The following USP33 variants were observed in gnomAD, a reference collection of about 807,000 sequenced individuals.
USP33 encodes the protein ubiquitin carboxyl-terminal hydrolase 33.
In USP33, 46 loss-of-function variants were observed where a neutral mutation model predicts 124.2. That is an observed-to-expected ratio of 0.37 (90% CI 0.29 to 0.47). USP33 has a LOEUF of 0.47. Among genes scored for constraint, USP33 ranks in the 20% least tolerant of loss-of-function variants. USP33 has a pLI of 0.99. For synonymous variants in USP33, 350 were observed against 352.3 expected (o/e 0.99, Z 0.07); for missense variants, 851 against 1,070.6 (o/e 0.79, Z 2.86).
At chr1:77,720,606 G>C in intron 15 of USP33, 1 of 985,356 alleles carries the variant, frequency 1.0e-6, no homozygotes, top group Non-Finnish European at 1.2e-6. Context: ...AGATTGAGAA[G>C]AAATTTCCAG....
chr1:77,723,505 C>A, intron 11 of USP33, 62 bp from the exon 12 acceptor site: 2 of 1,082,260 alleles, frequency 1.8e-6, no homozygotes, highest in South Asian at 1.5e-5. Flanking sequence ...TCTCTGGAAT[C>A]TTTTTTTGTC....
At chr1:77,725,340 T>C (rs1258661226) in intron 11 of USP33, among the ~76,000 whole-genome samples, 1 of 152,232 alleles carries the variant, frequency 6.6e-6, no homozygotes, top group Non-Finnish European at 1.5e-5. Flanking sequence ...GTGTTAGAGC[T>C]GTTCTGTATT....
Position 77,739,274 on chromosome 1 carries a change from G to A in USP33, c.342C>T (p.Asn114=). ...HVRQPHQIQE[N]SVQDFKIPSN... ...GGATCTAGATTATTACCTGGACACTGTTTTCTTGTATTTGGTGAGGTTGTC... is the reference window on the plus strand; with the variant it reads ...GGATCTAGATTATTACCTGGACACTATTTTCTTGTATTTGGTGAGGTTGTC... Residue 114 remains asparagine (N), a synonymous_variant, in exon 5 of 24, where the codon AAC becomes AAT. Coordinates refer to ENST00000370794, the MANE Select transcript of USP33 (RefSeq NM_201624.3). 3.1e-6 allele frequency: 5 copies of A among 1,612,072 alleles called. No homozygotes were observed. Among genetic ancestry groups the A allele is most frequent in the Non-Finnish European group, 4.2e-6 (5 of 1,179,356 alleles).
intron 1 of USP33, among the ~76,000 whole-genome samples, chr1:77,750,002 T>A (rs944115981): frequency 3.3e-5 from 5 of 152,184 alleles, no homozygotes; most frequent in African/African-American, 1.2e-4. Context: ...TGCTATTAAT[T>A]TTGCATTATC....
At chr1:77,734,712 T>C (rs1678221087) in intron 6 of USP33, among the ~76,000 whole-genome samples, 2 of 152,204 alleles carry the variant, frequency 1.3e-5, no homozygotes, top group South Asian at 2.1e-4. Flanking sequence ...ACTTTTACAT[T>C]TCTTATTATA....
intron 4 of USP33, among the ~76,000 whole-genome samples, chr1:77,739,968 A>T (rs1210462707): frequency 6.6e-6 from 1 of 152,244 alleles, no homozygotes; most frequent in South Asian, 2.1e-4. Context: ...GCACAGAAAG[A>T]GGCAAATGAT....
Position 77,697,460 on chromosome 1 carries a change from G to T in USP33, c.2593C>A (p.Gln865Lys). ...AAATTCCATGTTTCTTCAGAAATCT[G>T]GCCAGAATCTGCTCCTTAAAATTAC... ...VMLRQGADSGQISEETWNFLQ... is the reference protein window; with the variant it reads ...VMLRQGADSGKISEETWNFLQ... The change falls in exon 24 of 24, where the codon CAG becomes AAG. Residue 865 changes from glutamine to lysine, a missense_variant. By Grantham distance (53) the Gln-to-Lys change is moderately conservative. Around this residue, in one of 4 missense-constraint regions of USP33, gnomAD observed 142 missense variants for 141.8 expected, o/e 1.00. Coordinates refer to ENST00000370794, the MANE Select transcript of USP33 (RefSeq NM_201624.3). 1 of 1,599,450 alleles carries T rather than the reference G, an allele frequency of 6.3e-7. No individual in the cohort carries two copies. The highest frequency in any genetic ancestry group is 8.5e-7 in the Non-Finnish European group (1 of 1,176,304).
chr1:77,749,677 C>T (rs1271601199), intron 1 of USP33, among the ~76,000 whole-genome samples: 2 of 152,142 alleles, frequency 1.3e-5, no homozygotes, highest in Non-Finnish European at 2.9e-5. Flanking sequence ...TCACTGCACC[C>T]AGCCTGGTTT....
At chr1:77,747,268 G>C (rs546790027) in intron 1 of USP33, among the ~76,000 whole-genome samples, 1 of 131,636 alleles carries the variant, frequency 7.6e-6, no homozygotes, top group Non-Finnish European at 1.6e-5. Flanking sequence ...TTTTTAAAGA[G>C]ATGGTGTCTT....
chr1:77,700,505 A>T (rs1017737441), intron 22 of USP33, among the ~76,000 whole-genome samples: 4 of 152,160 alleles, frequency 2.6e-5, no homozygotes, highest in Admixed American at 6.6e-5. Flanking sequence ...ACTACTCAGG[A>T]GATGGAGGTA....
At chr1:77,754,997 C>T (rs1305200716) in intron 1 of USP33, among the ~76,000 whole-genome samples, 5 of 151,954 alleles carry the variant, frequency 3.3e-5, no homozygotes, top group African/African-American at 1.2e-4. Flanking sequence ...AGCCTTATCT[C>T]GTTGAAATAA....
At chr1:77,725,516 GATCAA>G in intron 11 of USP33, 101 bp downstream of exon 11, 1 of 1,423,154 alleles carries the variant, frequency 7.0e-7, no homozygotes, top group Non-Finnish European at 9.4e-7. Flanking sequence ...AATTTTAAAA[GATCAA>G]ATCATATTTC....
At chr1:77,704,236 C>T (rs894800994) in intron 21 of USP33, among the ~76,000 whole-genome samples, 1 of 152,138 alleles carries the variant, frequency 6.6e-6, no homozygotes, top group Non-Finnish European at 1.5e-5. Context: ...AATGCTGTGG[C>T]AGTCTCTGAT....
intron 7 of USP33, among the ~76,000 whole-genome samples, chr1:77,733,119 C>T (rs1222263567): frequency 6.6e-6 from 1 of 152,118 alleles, no homozygotes; most frequent in Admixed American, 6.5e-5. Context: ...AACGTCCGAG[C>T]ACAGTGGCCC....
Position 77,723,199 on chromosome 1 carries a change from T to C in USP33, c.1389+132A>G, listed in dbSNP as rs76938344. 5,422 of 733,884 alleles carry C rather than the reference T, an allele frequency of 7.4e-3. 191 individuals carry two copies. The African/African-American group carries it at 0.09, about 12-fold the overall frequency. 45.5% of individuals were successfully genotyped at this position (733,884 alleles called of 1,614,324 possible). On this transcript the variant is annotated intron_variant, in intron 12 of 23. Coordinates refer to ENST00000370794, the MANE Select transcript of USP33 (RefSeq NM_201624.3). ...ACACCTAGAATCAAATTTGTGTTGATGTAAACACAATAAATGCATGTATGC... is the reference window on the plus strand; with the variant it reads ...ACACCTAGAATCAAATTTGTGTTGACGTAAACACAATAAATGCATGTATGC...
chr1:77,701,460 C>A lies in USP33; in HGVS notation c.2418G>T (p.Ala806=), dbSNP rs755882210. ...ELEIFIRLNR[A]FQKEDSPATF... is the part of the protein sequence containing the mutation. ...TAGCTGGAGAGTCCTCTTTTTGGAA[C>A]GCTCTGTTAAGCTACAAGGGGGAAA... is the stretch of plus-strand genomic sequence containing the variant. The change falls in exon 22 of 24, where the codon GCG becomes GCT. Residue 806 remains alanine (A), a synonymous_variant. Transcript: ENST00000370794. 6.2e-7 allele frequency: 1 copy of A among 1,611,572 alleles called. No homozygotes were observed. Among genetic ancestry groups the A allele is most frequent in the Non-Finnish European group, 8.5e-7 (1 of 1,179,306 alleles).
At chr1:77,733,629 T>G (rs1273874169) in intron 7 of USP33, among the ~76,000 whole-genome samples, 1 of 152,190 alleles carries the variant, frequency 6.6e-6, no homozygotes, top group African/African-American at 2.4e-5. Flanking sequence ...ACTTTTTGAA[T>G]GCCAACACGA....
At chr1:77,743,125 A>C (rs1644158269) in intron 1 of USP33, among the ~76,000 whole-genome samples, 1 of 151,642 alleles carries the variant, frequency 6.6e-6, no homozygotes, top group Non-Finnish European at 1.5e-5. Context: ...TTGTATTTTT[A>C]GTAGAGATGG....
intron 15 of USP33, among the ~76,000 whole-genome samples, chr1:77,719,176 T>C (rs988292459): frequency 1.3e-5 from 2 of 151,208 alleles, no homozygotes; most frequent in South Asian, 2.1e-4. Flanking sequence ...CTGGCCAACA[T>C]GGTGAAACCC....
Sources: gnomAD v4.1 joint callset for allele counts (sites outside exome capture counted in the v4.1 genomes callset) on GRCh38, gnomAD v4.1.1 for gene constraint, gnomAD v4.1.1 regional missense constraint, MANE v1.5 for transcripts, NCBI Gene and HGNC (gene_info 2026-07-23, HGNC 2026-07-21) for gene names.